The following DNM3 variants were observed in gnomAD, a reference collection of about 807,000 sequenced individuals.
The protein encoded by DNM3 is dynamin-3.
In DNM3, 47 loss-of-function variants were observed where a neutral mutation model predicts 101.6. The observed-to-expected ratio is 0.46, with a 90% CI of 0.37 to 0.59. The LOEUF (loss-of-function observed/expected upper bound fraction) is 0.59. Among genes scored for constraint, DNM3 ranks in the 20% least tolerant of loss-of-function variants. The probability of loss-of-function intolerance (pLI) is 0.00; values close to 1 mark genes in which losing one functional copy is unlikely to be tolerated. For synonymous variants in DNM3, 385 were observed against 387.9 expected (o/e 0.99, Z 0.09); for missense variants, 849 against 1,085.7 (o/e 0.78, Z 3.06).
chr1:171,855,062 T>C (rs532348350), intron 1 of DNM3, among the ~76,000 whole-genome samples: 1 of 152,168 alleles, frequency 6.6e-6, no homozygotes, highest in East Asian at 1.9e-4. Flanking sequence ...GGCCCCAGTG[T>C]CTATTGTTTC....
intron 2 of DNM3, among the ~76,000 whole-genome samples, chr1:171,966,402 G>T (rs2043590664): frequency 6.6e-6 from 1 of 152,146 alleles, no homozygotes; most frequent in Non-Finnish European, 1.5e-5. Flanking sequence ...GCAGAGGGTG[G>T]GGTTCACAGA....
chr1:172,151,310 G>T (rs1213986575), intron 14 of DNM3, among the ~76,000 whole-genome samples: 2 of 152,164 alleles, frequency 1.3e-5, no homozygotes, highest in Non-Finnish European at 2.9e-5. Context: ...ATAGTTAAAG[G>T]TTAACATGGA....
In DNM3 at chr1:171,986,672, C is replaced by T. The variant is rs150794920; in HGVS notation, c.236-984C>T. ...TTGAGATGGGGTCTCACTTTCTTGC[C>T]CAGGCTGGAGTGCAGTGGCATGATC... On this transcript the variant is annotated intron_variant, in intron 2 of 20. Transcript: ENST00000627582. Among the ~76,000 whole-genome samples the T allele has an allele frequency of 3.4e-3, 522 of 151,346 alleles. 6 individuals are homozygous for T. Among genetic ancestry groups the T allele is most frequent in the African/African-American group, 0.012 (502 of 41,244 alleles).
chr1:171,963,136 G>A (rs1235570299), intron 2 of DNM3, among the ~76,000 whole-genome samples: 1 of 152,144 alleles, frequency 6.6e-6, no homozygotes, highest in Non-Finnish European at 1.5e-5. Flanking sequence ...AAGCAACCAA[G>A]ATGTCCTTCA....
At chr1:171,842,179 C>G (rs1000081692) in intron 1 of DNM3, among the ~76,000 whole-genome samples, 2 of 152,240 alleles carry the variant, frequency 1.3e-5, no homozygotes, top group South Asian at 4.1e-4. Flanking sequence ...CCCTGCGTAG[C>G]GCGCCGAAAG....
intron 1 of DNM3, among the ~76,000 whole-genome samples, chr1:171,893,997 T>C (rs1164406599): frequency 1.3e-5 from 2 of 152,124 alleles, no homozygotes; most frequent in African/African-American, 2.4e-5. Flanking sequence ...CTAATTTTTG[T>C]ATTTTTAGTA....
At chr1:172,380,527 T>C (rs1241428013) in intron 18 of DNM3, among the ~76,000 whole-genome samples, 1 of 151,950 alleles carries the variant, frequency 6.6e-6, no homozygotes, top group Admixed American at 6.6e-5. Flanking sequence ...AAGCAATAAA[T>C]TAGAAATGTG....
At chr1:171,886,185 C>T (rs1433943404) in intron 1 of DNM3, among the ~76,000 whole-genome samples, 1 of 152,168 alleles carries the variant, frequency 6.6e-6, no homozygotes, top group Non-Finnish European at 1.5e-5. Flanking sequence ...ATGGTAAAGG[C>T]GTGAGATTAG....
chr1:171,999,818 T>TGGA (rs2046250467), intron 4 of DNM3, among the ~76,000 whole-genome samples: 1 of 152,034 alleles, frequency 6.6e-6, no homozygotes, highest in African/African-American at 2.4e-5. Flanking sequence ...CATGTGAAGA[T>TGGA]GGAGGCAGAG....
chr1:172,236,098 C>A (rs939489777), intron 14 of DNM3, among the ~76,000 whole-genome samples: 3 of 152,132 alleles, frequency 2.0e-5, no homozygotes, highest in Admixed American at 2.0e-4. Flanking sequence ...GTGCTCCACT[C>A]CAAAATGTGT....
intron 15 of DNM3, chr1:172,290,105 C>G: frequency 1.6e-6 from 1 of 625,388 alleles, no homozygotes; most frequent in Non-Finnish European, 2.0e-6. Context: ...ACTAGTCAGT[C>G]AACAAATATT....
chr1:172,171,071 A>T lies in DNM3; in HGVS notation c.1659+39783A>T, dbSNP rs188297935. Among the ~76,000 whole-genome samples, 4 of 151,802 alleles carry T rather than the reference A, an allele frequency of 2.6e-5. No homozygotes were observed. In the Admixed American group the frequency reaches 2.6e-4, roughly 10 times the overall value. On this transcript the variant is annotated intron_variant, in intron 14 of 20. Transcript: ENST00000627582. ...TTGTTTGTTTGCTCCTTTTCAACAT[A>T]ACTTCTGAGAAATAGAGATTGATTA...
At chr1:171,942,233 A>G (rs1282919791) in intron 2 of DNM3, among the ~76,000 whole-genome samples, 1 of 137,844 alleles carries the variant, frequency 7.3e-6, no homozygotes, top group Non-Finnish European at 1.5e-5. Flanking sequence ...TTATGGAATA[A>G]GGGATCTGAT....
intron 15 of DNM3, among the ~76,000 whole-genome samples, chr1:172,302,784 G>C (rs1242172529): frequency 6.6e-6 from 1 of 152,072 alleles, no homozygotes; most frequent in African/African-American, 2.4e-5. Context: ...TGCACCTGAG[G>C]GACCTGACTG....
chr1:171,993,916 T>C (rs1294394605), intron 4 of DNM3, among the ~76,000 whole-genome samples: 2 of 152,108 alleles, frequency 1.3e-5, no homozygotes, highest in East Asian at 3.9e-4. Context: ...TTATTTTATC[T>C]CCAGATTTTC....
chr1:171,872,115 T>G (rs2035353024), intron 1 of DNM3, among the ~76,000 whole-genome samples: 1 of 152,122 alleles, frequency 6.6e-6, no homozygotes, highest in Admixed American at 6.6e-5. Flanking sequence ...TTGTAGAGGG[T>G]TGAGGGAAGA....
chr1:172,079,368 T>A (rs2052948200), intron 11 of DNM3, among the ~76,000 whole-genome samples: 1 of 152,124 alleles, frequency 6.6e-6, no homozygotes, highest in South Asian at 2.1e-4. Flanking sequence ...TACATTAAGT[T>A]GATCTTCAAT....
intron 2 of DNM3, among the ~76,000 whole-genome samples, chr1:171,969,824 G>A (rs977145446): frequency 2.0e-5 from 3 of 152,088 alleles, no homozygotes; most frequent in African/African-American, 7.2e-5. Context: ...ACAATCCTAG[G>A]AGGTAGGTGA....
At chr1:172,292,606 C>CACACACACAG (rs1215970841) in intron 15 of DNM3, among the ~76,000 whole-genome samples, 1 of 148,178 alleles carries the variant, frequency 6.7e-6, no homozygotes, top group Non-Finnish European at 1.5e-5. Context: ...AGACTTCACA[C>CACACACACAG]ACACACACAC....
Sources: allele counts gnomAD v4.1 joint callset (sites outside exome capture counted in the v4.1 genomes callset), GRCh38; gene constraint gnomAD v4.1.1; transcripts MANE v1.5; gene names NCBI Gene and HGNC (gene_info 2026-07-23, HGNC 2026-07-21).